Variants in CSMD3 observed in about 807,000 individuals in gnomAD.
The protein encoded by CSMD3 is CUB and Sushi multiple domains 3.
In CSMD3, 177 loss-of-function variants were observed where a neutral mutation model predicts 435.2. The ratio of observed to expected loss-of-function variants is 0.41; its 90% CI spans 0.36 to 0.46. CSMD3 has a LOEUF of 0.46. Ranked by LOEUF, CSMD3 falls within the 20% of genes least tolerant of loss-of-function variation. CSMD3 has a pLI of 0.34. For synonymous variants in CSMD3, 1,656 were observed against 1,520.5 expected, an observed-to-expected ratio of 1.09 and a Z score of -2.07; for missense variants, 4,265 against 4,504.6, an observed-to-expected ratio of 0.95 and a Z score of 1.52.
intron 3 of CSMD3, among the ~76,000 whole-genome samples, chr8:113,263,544 T>C (rs1303485120): frequency 6.6e-6 from 1 of 151,874 alleles, no homozygotes; most frequent in Admixed American, 6.6e-5. Flanking sequence ...TAGCCTGTTA[T>C]TATGACTTTG....
intron 3 of CSMD3, among the ~76,000 whole-genome samples, chr8:113,208,492 A>G (rs1377840368): frequency 3.9e-5 from 6 of 152,160 alleles, no homozygotes; most frequent in Non-Finnish European, 2.9e-5. Context: ...ACCAATTAAT[A>G]AATGTTAGAA....
chr8:112,970,395 CAAAA>C (rs11284034), intron 7 of CSMD3, among the ~76,000 whole-genome samples: 6 of 82,156 alleles, frequency 7.3e-5, no homozygotes, highest in Admixed American at 2.7e-4. Flanking sequence ...GACTCCCTCT[CAAAA>C]AAAAAAAAAA....
intron 4 of CSMD3, among the ~76,000 whole-genome samples, chr8:113,168,233 C>T (rs1336085569): frequency 1.3e-5 from 2 of 151,834 alleles, no homozygotes; most frequent in Non-Finnish European, 2.9e-5. Flanking sequence ...TTTTTAAAAA[C>T]TACAGATTTT....
intron 12 of CSMD3, among the ~76,000 whole-genome samples, chr8:112,827,233 A>G (rs2079724942): frequency 7.6e-6 from 1 of 132,188 alleles, no homozygotes; most frequent in Admixed American, 8.5e-5. Flanking sequence ...ATTGTGTGAT[A>G]CCAATTAGCT....
At chr8:112,818,123 G>T (rs2079429453) in intron 12 of CSMD3, among the ~76,000 whole-genome samples, 1 of 151,422 alleles carries the variant, frequency 6.6e-6, no homozygotes. Context: ...ATAAGTAATT[G>T]ATTTTACCTT....
intron 16 of CSMD3, among the ~76,000 whole-genome samples, chr8:112,677,530 A>G (rs2131755124): frequency 6.7e-6 from 1 of 149,766 alleles, no homozygotes; most frequent in South Asian, 2.1e-4. Flanking sequence ...TAACTGAGCC[A>G]CATTAGGAGC....
chr8:113,104,363 C>T (rs1396348826), intron 4 of CSMD3, among the ~76,000 whole-genome samples: 3 of 152,076 alleles, frequency 2.0e-5, no homozygotes, highest in Non-Finnish European at 2.9e-5. Context: ...CTTTTTATTT[C>T]GTCCCAAGAC....
chr8:113,391,865 A>G (rs1432914737), intron 1 of CSMD3, among the ~76,000 whole-genome samples: 1 of 152,036 alleles, frequency 6.6e-6, no homozygotes, highest in East Asian at 1.9e-4. Flanking sequence ...GAGAAAGATA[A>G]TGAAACAAAG....
At chr8:112,468,029 A>C (rs1287008597) in intron 32 of CSMD3, among the ~76,000 whole-genome samples, 2 of 152,216 alleles carry the variant, frequency 1.3e-5, no homozygotes, top group African/African-American at 4.8e-5. Context: ...TAATTCCTAG[A>C]AAGTAAGAAG....
At chr8:113,270,161 A>C (rs903362847) in intron 3 of CSMD3, among the ~76,000 whole-genome samples, 10 of 152,224 alleles carry the variant, frequency 6.6e-5, no homozygotes, top group African/African-American at 2.4e-4. Context: ...ATATGAACAG[A>C]CACTTCTCAA....
intron 27 of CSMD3, among the ~76,000 whole-genome samples, chr8:112,534,364 T>C (rs1825844196): frequency 6.6e-6 from 1 of 152,056 alleles, no homozygotes; most frequent in Admixed American, 6.5e-5. Flanking sequence ...CCCACAGAAA[T>C]ACAAACTACC....
intron 35 of CSMD3, among the ~76,000 whole-genome samples, chr8:112,392,684 T>C (rs928333510): frequency 6.6e-6 from 1 of 151,788 alleles, no homozygotes; most frequent in Non-Finnish European, 1.5e-5. Flanking sequence ...TCTGAGTTAC[T>C]ACATTAATCA....
At chr8:112,371,958 C>A (rs1828437316) in intron 38 of CSMD3, among the ~76,000 whole-genome samples, 1 of 151,686 alleles carries the variant, frequency 6.6e-6, no homozygotes, top group African/African-American at 2.4e-5. Flanking sequence ...ATGACAGTTC[C>A]AAAGACAAAT....
intron 32 of CSMD3, among the ~76,000 whole-genome samples, chr8:112,440,446 T>C (rs1264560513): frequency 1.3e-5 from 2 of 152,086 alleles, no homozygotes; most frequent in Non-Finnish European, 2.9e-5. Context: ...GGCCCACCGC[T>C]CAAGCTGTCA....
At position 112,594,488 on chromosome 8, in the gene CSMD3, T is replaced by C. The variant is rs369366254; in HGVS notation, c.3716-7253A>G. On this transcript the variant is annotated intron_variant, in intron 22 of 70. Coordinates refer to ENST00000297405, the MANE Select transcript of CSMD3 (RefSeq NM_198123.2). ...GCTTGCTTAGGTAAACAAAGCAGCCTGGAAGCTCGAACTGGGTGTAGCCCA... is the reference window on the plus strand; with the variant it reads ...GCTTGCTTAGGTAAACAAAGCAGCCCGGAAGCTCGAACTGGGTGTAGCCCA... 1.1e-3 allele frequency among the ~76,000 whole-genome samples: 160 copies of C among 152,132 alleles called. 1 individual carries two copies. The highest frequency in any genetic ancestry group is 1.9e-3 in the Non-Finnish European group (129 of 67,988).
At chr8:112,498,182 G>A (rs1456478626) in intron 30 of CSMD3, among the ~76,000 whole-genome samples, 4 of 151,946 alleles carry the variant, frequency 2.6e-5, no homozygotes, top group Non-Finnish European at 4.4e-5. Context: ...TTGTAAAATG[G>A]GGATAGCAAT....
chr8:113,118,893 G>T (rs540537637), intron 4 of CSMD3, among the ~76,000 whole-genome samples: 4 of 152,140 alleles, frequency 2.6e-5, no homozygotes, highest in African/African-American at 9.6e-5. Flanking sequence ...ATTTCATTTC[G>T]CTCTTGCTAT....
intron 13 of CSMD3, among the ~76,000 whole-genome samples, chr8:112,746,598 C>A (rs1478660314): frequency 1.3e-5 from 2 of 151,774 alleles, no homozygotes; most frequent in African/African-American, 4.8e-5. Context: ...TAATTAGTAC[C>A]TCTTTCTTTA....
At chr8:112,481,023 A>G (rs1220795181) in intron 31 of CSMD3, among the ~76,000 whole-genome samples, 1 of 152,168 alleles carries the variant, frequency 6.6e-6, no homozygotes, top group African/African-American at 2.4e-5. Flanking sequence ...TATATTACAT[A>G]TATTCTTGTT....
Sources: allele counts gnomAD v4.1 joint callset (sites outside exome capture counted in the v4.1 genomes callset), GRCh38; gene constraint gnomAD v4.1.1; transcripts MANE v1.5; gene names NCBI Gene and HGNC (gene_info 2026-07-23, HGNC 2026-07-21).